ZNF431: variants seen among roughly 807,000 people sequenced by gnomAD.
ZNF431 encodes the protein zinc finger protein 431.
Under a neutral mutation model 57.0 loss-of-function variants are expected in ZNF431, and 34 were observed. That is an observed-to-expected ratio of 0.60 (90% CI 0.45 to 0.79). ZNF431 has a LOEUF of 0.79. Ranked by LOEUF, ZNF431 falls within the 30% of genes least tolerant of loss-of-function variation. The pLI is 0.00. For synonymous variants in ZNF431, 207 were observed against 220.3 expected, an observed-to-expected ratio of 0.94 and a Z score of 0.54; for missense variants, 607 against 667.1, an observed-to-expected ratio of 0.91 and a Z score of 0.99.
rs1006637044 is a variant in ZNF431 at position 21,193,481 on chromosome 19, C to G, written c.*9447C>G. On this transcript the variant is annotated 3_prime_UTR_variant, in exon 5 of 5. Coordinates refer to ENST00000311048, the MANE Select transcript of ZNF431 (RefSeq NM_133473.4). ...GGTGGAGGTTGCAGTGAGCCGAGAT[C>G]GCGCCATTGCACTCCAGCCTAGGCA... 12 of 152,296 alleles carry G rather than the reference C, an allele frequency of 7.9e-5. No individual in the cohort carries two copies. Among genetic ancestry groups the G allele is most frequent in the African/African-American group, 2.9e-4 (12 of 41,420 alleles). The allele number at this position is 152,296 out of a possible 1,614,324, so 9.4% of individuals were successfully genotyped here. A position where few individuals can be genotyped will look rare whatever the true frequency, so the allele number is the denominator to read the frequency against.
Position 21,194,040 on chromosome 19 carries a change from T to C in ZNF431, c.*10006T>C, listed in dbSNP as rs1451499824. The C allele has an allele frequency of 2.6e-5, 4 of 152,102 alleles. No individual in the cohort carries two copies. The highest frequency in any genetic ancestry group is 9.7e-5 in the African/African-American group (4 of 41,442). The allele number at this position is 152,102 out of a possible 1,614,324, so 9.4% of individuals were successfully genotyped here. On this transcript the variant is annotated 3_prime_UTR_variant, in exon 5 of 5. Transcript: ENST00000311048. ...AAATCTAACAAAATGAAAAAATAAATGGCATCCAAATAGGAAAAGAAGAAG... is the reference window on the plus strand; with the variant it reads ...AAATCTAACAAAATGAAAAAATAAACGGCATCCAAATAGGAAAAGAAGAAG...
chr19:21,146,170 A>G (rs893084046), intron 2 of ZNF431, among the ~76,000 whole-genome samples: 2 of 152,078 alleles, frequency 1.3e-5, no homozygotes, highest in Admixed American at 6.5e-5. Context: ...AGTAAAGTAA[A>G]AGGAAGTATT....
chr19:21,148,590 C>A (rs1214857497), intron 2 of ZNF431, among the ~76,000 whole-genome samples: 4 of 152,152 alleles, frequency 2.6e-5, no homozygotes, highest in Non-Finnish European at 5.9e-5. Context: ...ATTCCTTTAA[C>A]CTTTTAATCT....
At position 21,192,327 on chromosome 19, in the gene ZNF431, C is replaced by T. The variant is rs1404644951; in HGVS notation, c.*8293C>T. On this transcript the variant is annotated 3_prime_UTR_variant, in exon 5 of 5. Transcript: ENST00000311048. The stretch of plus-strand genomic sequence containing the variant: ...GAAACTACAGGCGCCTCCTACTACA[C>T]CCAGCTAATTTTTTTATTTCTATAG... 6.6e-6 allele frequency: 1 copy of T among 152,068 alleles called. No homozygotes were observed. The highest frequency in any genetic ancestry group is 1.5e-5 in the Non-Finnish European group (1 of 68,022). 9.4% of individuals were successfully genotyped at this position (152,068 alleles called of 1,614,324 possible).
At chr19:21,164,864 A>G (rs1022105314) in intron 2 of ZNF431, among the ~76,000 whole-genome samples, 1 of 151,746 alleles carries the variant, frequency 6.6e-6, no homozygotes, top group African/African-American at 2.4e-5. Context: ...TAATCCCAGG[A>G]TTTTGGGAGG....
intron 2 of ZNF431, 79 bp downstream of exon 2, chr19:21,143,722 C>T: frequency 3.0e-6 from 3 of 1,004,340 alleles, no homozygotes; most frequent in Non-Finnish European, 4.7e-6. Context: ...GTCAGCCAGT[C>T]CGATGCTGGC....
At position 21,189,712 on chromosome 19, in the gene ZNF431, T is replaced by C; in HGVS notation, c.*5678T>C. The C allele has an allele frequency of 2.6e-6, 1 of 390,636 alleles. No individual in the cohort carries two copies. Among genetic ancestry groups the C allele is most frequent in the Non-Finnish European group, 4.5e-6 (1 of 221,618 alleles). 24.2% of individuals were successfully genotyped at this position (390,636 alleles called of 1,614,324 possible). ...TTGCATCTGATGGTCACCATTTTAC[T>C]CTCTACATCAATGGGATTAAGTTTT... On this transcript the variant is annotated 3_prime_UTR_variant, in exon 5 of 5. Transcript: ENST00000311048.
Position 21,192,507 on chromosome 19 carries a change from T to G in ZNF431, c.*8473T>G, listed in dbSNP as rs1971529498. The G allele has an allele frequency of 6.6e-6, 1 of 152,204 alleles. No individual in the cohort carries two copies. The highest frequency in any genetic ancestry group is 1.5e-5 in the Non-Finnish European group (1 of 68,036). 9.4% of individuals were successfully genotyped at this position (152,204 alleles called of 1,614,324 possible). A position where few individuals can be genotyped will look rare whatever the true frequency, so the allele number is the denominator to read the frequency against. ...GATTTACTAAGGTCTTAGGCTTTTT[T>G]ATACTTCAGATTATGTATAGGGATA... On this transcript the variant is annotated 3_prime_UTR_variant, in exon 5 of 5. Coordinates refer to ENST00000311048, the MANE Select transcript of ZNF431 (RefSeq NM_133473.4).
chr19:21,168,641 T>C (rs1227905556), intron 4 of ZNF431, among the ~76,000 whole-genome samples: 1 of 151,970 alleles, frequency 6.6e-6, no homozygotes, highest in African/African-American at 2.4e-5. Context: ...GCTGGGATTA[T>C]GGGTGTAAGC....
At chr19:21,177,439 A>G (rs1380944255) in intron 4 of ZNF431, among the ~76,000 whole-genome samples, 3 of 152,110 alleles carry the variant, frequency 2.0e-5, no homozygotes, top group East Asian at 3.9e-4. Context: ...GCTTTGTAGT[A>G]TAGTTTGAAG....
At chr19:21,146,425 AAAG>A (rs1374717830) in intron 2 of ZNF431, among the ~76,000 whole-genome samples, 17 of 150,792 alleles carry the variant, frequency 1.1e-4, no homozygotes, top group East Asian at 9.8e-4. Context: ...AAAAAAAAAA[AAAG>A]AAGAAGAAAG....
At chr19:21,160,745 C>CT (rs763129166) in intron 2 of ZNF431, among the ~76,000 whole-genome samples, 3 of 152,174 alleles carry the variant, frequency 2.0e-5, no homozygotes, top group Non-Finnish European at 4.4e-5. Flanking sequence ...TTTTTACTCC[C>CT]TTCATATAAG....
At chr19:21,169,161 C>T (rs914523698) in intron 4 of ZNF431, among the ~76,000 whole-genome samples, 4 of 152,044 alleles carry the variant, frequency 2.6e-5, no homozygotes, top group African/African-American at 9.7e-5. Context: ...GATTTGCCCC[C>T]CTCAGCCTCC....
chr19:21,143,551 G>A lies in ZNF431; in HGVS notation c.4G>A (p.Asp2Asn). The change falls in exon 2 of 5, where the codon GAC becomes AAC. Residue 2 changes from aspartate to asparagine, a missense_variant and splice_region_variant. Physicochemically the swap from Asp to Asn is conservative, Grantham distance 23. Transcript: ENST00000311048. M[D>N]DLKYGVYPLK... Reference sequence around the variant, plus strand: ...GCTTCTGGTTTATTTTCTTCCATAGGACGACTTGAAATATGGAGTGTATCC... The same window carrying A: ...GCTTCTGGTTTATTTTCTTCCATAGAACGACTTGAAATATGGAGTGTATCC... 1 of 1,612,580 alleles carries A rather than the reference G, an allele frequency of 6.2e-7. No individual in the cohort carries two copies. The highest frequency in any genetic ancestry group is 8.5e-7 in the Non-Finnish European group (1 of 1,178,592).
rs1971526137 is a variant in ZNF431 at position 21,192,332 on chromosome 19, C to T, written c.*8298C>T. The stretch of plus-strand genomic sequence containing the variant: ...TACAGGCGCCTCCTACTACACCCAG[C>T]TAATTTTTTTATTTCTATAGAGATG... On this transcript the variant is annotated 3_prime_UTR_variant, in exon 5 of 5. Coordinates refer to ENST00000311048, the MANE Select transcript of ZNF431 (RefSeq NM_133473.4). 1 of 152,042 alleles carries T rather than the reference C, an allele frequency of 6.6e-6. No individual in the cohort carries two copies. Among genetic ancestry groups the T allele is most frequent in the Non-Finnish European group, 1.5e-5 (1 of 68,022 alleles). 9.4% of individuals were successfully genotyped at this position (152,042 alleles called of 1,614,324 possible).
rs1971371722 is a variant in ZNF431 at position 21,186,208 on chromosome 19, G to C, written c.*2174G>C. On this transcript the variant is annotated 3_prime_UTR_variant, in exon 5 of 5. Coordinates refer to ENST00000311048, the MANE Select transcript of ZNF431 (RefSeq NM_133473.4). ...TGAGGCAGGAGAATCGCTTGAACCT[G>C]GGAGGTGGAGGTTGCAATGAGCCAA... 1 of 152,166 alleles carries C rather than the reference G, an allele frequency of 6.6e-6. No individual in the cohort carries two copies. Among genetic ancestry groups the C allele is most frequent in the Non-Finnish European group, 1.5e-5 (1 of 68,074 alleles). The allele number at this position is 152,166 out of a possible 1,614,324, so 9.4% of individuals were successfully genotyped here. A position where few individuals can be genotyped will look rare whatever the true frequency, so the allele number is the denominator to read the frequency against.
intron 4 of ZNF431, 107 bp from the exon 5 acceptor site, chr19:21,182,516 T>A (rs1971233601): frequency 7.9e-7 from 1 of 1,259,218 alleles, no homozygotes; most frequent in East Asian, 2.5e-5. Context: ...TATGGTATTT[T>A]ATTATGGCAT....
At chr19:21,148,241 C>T (rs963295422) in intron 2 of ZNF431, among the ~76,000 whole-genome samples, 9 of 152,090 alleles carry the variant, frequency 5.9e-5, no homozygotes, top group East Asian at 3.8e-4. Flanking sequence ...GTGATCGGCC[C>T]GCCTTGGCCT....
rs375722291 is a variant in ZNF431, at chr19:21,155,212, A to G, written c.97-11123A>G. 3.3e-5 allele frequency among the ~76,000 whole-genome samples: 5 copies of G among 152,118 alleles called. No homozygotes were observed. The East Asian group carries it at 7.7e-4, about 23-fold the overall frequency. ...TAATTTTTGTATAAGGTGTAAGGAA[A>G]GGATCCAGTTTCAGCTTTCTACATA... On this transcript the variant is annotated intron_variant, in intron 2 of 4. Coordinates refer to ENST00000311048, the MANE Select transcript of ZNF431 (RefSeq NM_133473.4).
Sources: allele counts gnomAD v4.1 joint callset (sites outside exome capture counted in the v4.1 genomes callset), GRCh38; gene constraint gnomAD v4.1.1; transcripts MANE v1.5; gene names NCBI Gene and HGNC (gene_info 2026-07-23, HGNC 2026-07-21).